CAMTA1: variants seen among roughly 807,000 people sequenced by gnomAD.
CAMTA1 encodes the protein calmodulin binding transcription activator 1.
Under a neutral mutation model 170.9 loss-of-function variants are expected in CAMTA1, and 27 were observed. The ratio of observed to expected loss-of-function variants is 0.16; its 90% CI spans 0.12 to 0.22. The LOEUF is 0.22. Ranked by LOEUF, CAMTA1 falls within the 10% of genes least tolerant of loss-of-function variation. The pLI is 1.00. For missense variants in CAMTA1, 1,619 were observed against 2,217.2 expected (o/e 0.73, Z 5.42); for synonymous variants, 833 against 891.5 (o/e 0.93, Z 1.17).
intron 3 of CAMTA1, among the ~76,000 whole-genome samples, chr1:7,036,318 G>T (rs1703587491): frequency 6.6e-6 from 1 of 152,186 alleles, no homozygotes; most frequent in Admixed American, 6.6e-5. Context: ...GAGAAGAAGA[G>T]AGAATGTGTG....
Position 7,732,327 on chromosome 1 carries a change from T to G in CAMTA1, c.2915-121T>G. ...TGGGGAACTCTGGCTGGCGGAGACCTCTCTGGTTTGGTGAAGTTACGGACG... is the reference window on the plus strand; with the variant it reads ...TGGGGAACTCTGGCTGGCGGAGACCGCTCTGGTTTGGTGAAGTTACGGACG... On this transcript the variant is annotated intron_variant, in intron 11 of 22. Transcript: ENST00000303635. This position sits in a 1 kb window ranked among gnomAD's most constrained non-coding sequence, Gnocchi z 4.1. 1 of 786,796 alleles carries G rather than the reference T, an allele frequency of 1.3e-6. No individual in the cohort carries two copies. The highest frequency in any genetic ancestry group is 2.2e-6 in the Non-Finnish European group (1 of 464,178). The allele number at this position is 786,796 out of a possible 1,614,324, so 48.7% of individuals were successfully genotyped here. A position where few individuals can be genotyped will look rare whatever the true frequency, so the allele number is the denominator to read the frequency against.
chr1:7,210,009 C>G (rs1431381754), intron 4 of CAMTA1, among the ~76,000 whole-genome samples: 2 of 152,188 alleles, frequency 1.3e-5, no homozygotes, highest in South Asian at 2.1e-4. Context: ...CCCGTTAACC[C>G]TAAACACTTC....
rs1011013544 is a variant in CAMTA1 at position 7,007,393 on chromosome 1, A to G, written c.235-83911A>G. ...AGCTGTACGCCAGAGCCTGTGGGCC[A>G]CCCCGAGGAAGTGACCCCTATGAGC... On this transcript the variant is annotated intron_variant, in intron 3 of 22. Coordinates refer to ENST00000303635, the MANE Select transcript of CAMTA1 (RefSeq NM_015215.4). The surrounding 1 kb of genome is among the most constrained non-coding windows in gnomAD (Gnocchi z 4.5). 1.1e-4 allele frequency among the ~76,000 whole-genome samples: 17 copies of G among 152,150 alleles called. No individual in the cohort carries two copies. The highest frequency in any genetic ancestry group is 3.9e-4 in the African/African-American group (16 of 41,440).
chr1:7,693,988 G>A (rs1558145012), intron 11 of CAMTA1: 1 of 152,228 alleles, frequency 6.6e-6, no homozygotes, highest in African/African-American at 2.4e-5. Context: ...GTGACACAAG[G>A]ATCCCAGGCA....
chr1:7,646,988 C>T (rs1558050836), intron 7 of CAMTA1, among the ~76,000 whole-genome samples: 1 of 152,202 alleles, frequency 6.6e-6, no homozygotes, highest in Non-Finnish European at 1.5e-5. Flanking sequence ...GACACCACAC[C>T]GTTTCCAGTA....
intron 6 of CAMTA1, among the ~76,000 whole-genome samples, chr1:7,555,529 A>C (rs11120971): frequency 0.63 from 94,998 of 151,800 alleles, 30,223 homozygotes; most frequent in South Asian, 0.74. Flanking sequence ...TCCCCAGGGC[A>C]GACAGAGCCA....
At chr1:6,968,551 T>C (rs1019156694) in intron 3 of CAMTA1, among the ~76,000 whole-genome samples, 6 of 152,248 alleles carry the variant, frequency 3.9e-5, no homozygotes, top group Admixed American at 6.5e-5. Context: ...CTTGTCCTCA[T>C]GGAACTGATG....
chr1:6,861,780 G>A (rs1664782405), intron 3 of CAMTA1, among the ~76,000 whole-genome samples: 1 of 152,052 alleles, frequency 6.6e-6, no homozygotes, highest in Admixed American at 6.5e-5. Context: ...ACATTGCTGT[G>A]CAACCATCAG....
intron 6 of CAMTA1, among the ~76,000 whole-genome samples, chr1:7,589,626 C>T (rs557058499): frequency 2.4e-4 from 37 of 152,254 alleles, no homozygotes; most frequent in African/African-American, 7.5e-4. Flanking sequence ...TCAGCATCTG[C>T]GGGGTAAATC....
intron 6 of CAMTA1, among the ~76,000 whole-genome samples, chr1:7,469,906 C>G (rs529882802): frequency 6.6e-6 from 1 of 152,370 alleles, no homozygotes; most frequent in African/African-American, 2.4e-5. Flanking sequence ...GGGTCCTGCT[C>G]TCTGCCCCAG....
At chr1:7,235,559 G>A (rs544038534) in intron 4 of CAMTA1, among the ~76,000 whole-genome samples, 171 of 152,312 alleles carry the variant, frequency 1.1e-3, no homozygotes, top group African/African-American at 3.9e-3. Context: ...CCCAAGAGGC[G>A]GAGGTTGCAG....
rs553213229 is a variant in CAMTA1 at position 7,109,389 on chromosome 1, G to A, written c.302+18018G>A. 4.6e-5 allele frequency among the ~76,000 whole-genome samples: 7 copies of A among 152,294 alleles called. No homozygotes were observed. The South Asian group carries it at 8.3e-4, about 18-fold the overall frequency. The stretch of plus-strand genomic sequence containing the variant: ...TGGGAGTTCATCATGGCATCAATAC[G>A]CACTCTCTGGGTGGCACTGGGCAAA... On this transcript the variant is annotated intron_variant, in intron 4 of 22. Coordinates refer to ENST00000303635, the MANE Select transcript of CAMTA1 (RefSeq NM_015215.4).
chr1:7,105,701 G>T (rs1643507995), intron 4 of CAMTA1, among the ~76,000 whole-genome samples: 1 of 152,180 alleles, frequency 6.6e-6, no homozygotes, highest in Admixed American at 6.5e-5. Context: ...TCAGCACTTT[G>T]GGAGACTGAA....
intron 4 of CAMTA1, among the ~76,000 whole-genome samples, chr1:7,199,455 C>T (rs138425821): frequency 4.6e-5 from 7 of 152,358 alleles, no homozygotes; most frequent in Non-Finnish European, 1.0e-4. Context: ...TTCTCTTTCC[C>T]AGACACGGGC....
chr1:7,559,963 C>G (rs995123754), intron 6 of CAMTA1, among the ~76,000 whole-genome samples: 5 of 152,200 alleles, frequency 3.3e-5, no homozygotes, highest in African/African-American at 1.2e-4. Context: ...CTCTGCTGTT[C>G]TTAGGAAACC....
intron 6 of CAMTA1, among the ~76,000 whole-genome samples, chr1:7,478,395 C>A (rs922187180): frequency 6.6e-6 from 1 of 152,160 alleles, no homozygotes; most frequent in East Asian, 1.9e-4. Context: ...CCTCCCCGAG[C>A]CTCTCTGCTC....
intron 20 of CAMTA1, among the ~76,000 whole-genome samples, chr1:7,752,086 A>G (rs146751374): frequency 4.6e-5 from 7 of 152,360 alleles, no homozygotes; most frequent in African/African-American, 1.7e-4. Context: ...CAAAGAGTGT[A>G]TCAACTCCGG....
At chr1:7,211,588 C>G (rs942278794) in intron 4 of CAMTA1, among the ~76,000 whole-genome samples, 1 of 152,114 alleles carries the variant, frequency 6.6e-6, no homozygotes, top group African/African-American at 2.4e-5. Flanking sequence ...GTTCTTTGCA[C>G]CCGTCATTCT....
At position 7,731,857 on chromosome 1, in the gene CAMTA1, G is replaced by A. The variant is rs906528528; in HGVS notation, c.2915-591G>A. Among the ~76,000 whole-genome samples the A allele has an allele frequency of 2.6e-5, 4 of 152,234 alleles. No homozygotes were observed. The East Asian group carries it at 5.8e-4, about 22-fold the overall frequency. On this transcript the variant is annotated intron_variant, in intron 11 of 22. Coordinates refer to ENST00000303635, the MANE Select transcript of CAMTA1 (RefSeq NM_015215.4). ...CACACCAATGCACTCCAGTCTGGGCGACAACGTGAGACTGTCTCAAAAAAG... is the reference window on the plus strand; with the variant it reads ...CACACCAATGCACTCCAGTCTGGGCAACAACGTGAGACTGTCTCAAAAAAG...
Sources: allele counts gnomAD v4.1 joint callset (sites outside exome capture counted in the v4.1 genomes callset), GRCh38; gene constraint gnomAD v4.1.1; non-coding constraint Gnocchi (gnomAD v3.1); transcripts MANE v1.5; gene names NCBI Gene and HGNC (gene_info 2026-07-23, HGNC 2026-07-21).